The following KMT2E variants were observed in gnomAD, a reference collection of about 807,000 sequenced individuals.
KMT2E encodes the protein histone reader KMT2E.
KMT2E carries 30 observed loss-of-function variants against 184.6 expected under a neutral mutation model. That is an observed-to-expected ratio of 0.16 (90% confidence interval 0.12 to 0.22). KMT2E has a LOEUF of 0.22. Among genes scored for constraint, KMT2E ranks in the 10% least tolerant of loss-of-function variants. The pLI, the probability that KMT2E is intolerant of heterozygous loss-of-function variation, is 1.00. For missense variants in KMT2E, 2,023 were observed against 2,237.4 expected (o/e 0.90, Z 1.93); for synonymous variants, 815 against 776.5 (o/e 1.05, Z -0.82).
At chr7:105,085,866 G>A (rs1175068163) in intron 13 of KMT2E, among the ~76,000 whole-genome samples, 1 of 152,026 alleles carries the variant, frequency 6.6e-6, no homozygotes, top group African/African-American at 2.4e-5. Context: ...TAGAGATGGG[G>A]TTTCACCGTG....
chr7:105,064,188 T>TTTTTC (rs1199512833), intron 5 of KMT2E: 2 of 307,874 alleles, frequency 6.5e-6, no homozygotes, highest in Non-Finnish European at 6.2e-6. Flanking sequence ...TTTTTTTTTT[T>TTTTTC]TTTTGACTGG....
chr7:105,020,188 G>T (rs1167296950), intron 1 of KMT2E, among the ~76,000 whole-genome samples: 1 of 151,896 alleles, frequency 6.6e-6, no homozygotes, highest in South Asian at 2.1e-4. Context: ...AGATGATATT[G>T]TGTAATCACA....
intron 15 of KMT2E, among the ~76,000 whole-genome samples, chr7:105,099,799 C>T (rs932531574): frequency 7.2e-5 from 11 of 152,068 alleles, no homozygotes; most frequent in African/African-American, 2.7e-4. Context: ...AAAGAAATAA[C>T]CATAGTAATT....
chr7:105,019,887 A>T (rs1005019827), intron 1 of KMT2E, among the ~76,000 whole-genome samples: 1 of 152,106 alleles, frequency 6.6e-6, no homozygotes, highest in African/African-American at 2.4e-5. Context: ...CAGGCGGATC[A>T]TTTGAGGTCA....
At chr7:105,047,696 T>C (rs1183211194) in intron 3 of KMT2E, among the ~76,000 whole-genome samples, 1 of 152,222 alleles carries the variant, frequency 6.6e-6, no homozygotes, top group African/African-American at 2.4e-5. Context: ...AAGTCACGGA[T>C]TGTAAGTTAT....
At chr7:105,103,991 T>TA (rs1798784060) in intron 17 of KMT2E, 1 of 151,864 alleles carries the variant, frequency 6.6e-6, no homozygotes, top group Non-Finnish European at 1.5e-5. Context: ...CAAAACCAGC[T>TA]AATTTTTTTG....
intron 23 of KMT2E, 113 bp downstream of exon 23, chr7:105,109,341 T>C: frequency 9.5e-7 from 1 of 1,056,618 alleles, no homozygotes; most frequent in Non-Finnish European, 1.3e-6. Context: ...GTCACAATTT[T>C]AAAAGATTCT....
chr7:105,049,968 T>C lies in KMT2E; in HGVS notation c.71+8945T>C, dbSNP rs1796263374. The stretch of plus-strand genomic sequence containing the variant: ...TGTTCCTCCACTTGCCCTCTGGATC[T>C]TACCCCTTCTCACCTTTTCAGAATC... On this transcript the variant is annotated intron_variant, in intron 3 of 26. Transcript: ENST00000311117. Among the ~76,000 whole-genome samples the C allele has an allele frequency of 2.6e-5, 4 of 152,188 alleles. No homozygotes were observed. The South Asian group carries it at 8.3e-4, about 32-fold the overall frequency.
chr7:105,113,875 A>G lies in KMT2E; in HGVS notation c.*542A>G, dbSNP rs1799457704. The G allele has an allele frequency of 6.4e-6, 1 of 155,072 alleles. No individual in the cohort carries two copies. The highest frequency in any genetic ancestry group is 2.4e-5 in the African/African-American group (1 of 41,512). 9.6% of individuals were successfully genotyped at this position (155,072 alleles called of 1,614,324 possible). A position where few individuals can be genotyped will look rare whatever the true frequency, so the allele number is the denominator to read the frequency against. ...TCTCCTGACAAACTGTAAATACTGCATTTCTTTTGCGTATATAATTGCTTA... is the reference window on the plus strand; with the variant it reads ...TCTCCTGACAAACTGTAAATACTGCGTTTCTTTTGCGTATATAATTGCTTA... On this transcript the variant is annotated 3_prime_UTR_variant, in exon 27 of 27. Coordinates refer to ENST00000311117, the MANE Select transcript of KMT2E (RefSeq NM_182931.3).
intron 17 of KMT2E, 108 bp from the exon 18 acceptor site, chr7:105,105,331 C>G (rs1444838726): frequency 1.3e-6 from 1 of 753,114 alleles, no homozygotes; most frequent in Non-Finnish European, 2.1e-6. Flanking sequence ...TTTAAATTAC[C>G]CAATTTATCA....
At position 105,110,472 on chromosome 7, in the gene KMT2E, T is replaced by A. The variant is rs1472117871; in HGVS notation, c.3845-5T>A. The A allele has an allele frequency of 1.2e-6, 2 of 1,614,060 alleles. No individual in the cohort carries two copies. Among genetic ancestry groups the A allele is most frequent in the African/African-American group, 2.7e-5 (2 of 74,924 alleles). ...CTCTTTGGGTCTGCTCTGCTTCATC[T>A]CTAGGGGGAGAATCACCATGTGTCT... On this transcript the variant is annotated splice_region_variant and splice_polypyrimidine_tract_variant and intron_variant, in intron 24 of 26. Transcript: ENST00000311117.
chr7:105,099,300 C>T (rs983891546), intron 15 of KMT2E, among the ~76,000 whole-genome samples: 5 of 152,114 alleles, frequency 3.3e-5, no homozygotes, highest in Non-Finnish European at 5.9e-5. Flanking sequence ...AATACAGAAA[C>T]CAGGAAACCT....
At position 105,112,236 on chromosome 7, in the gene KMT2E, G is replaced by A. The variant is rs767616340; in HGVS notation, c.4480G>A (p.Glu1494Lys). Residue 1494 changes from glutamate (E) to lysine (K), a missense_variant, in exon 27 of 27, where the codon GAG becomes AAG. Physicochemically the swap from Glu to Lys is moderately conservative, Grantham distance 56. This residue lies in a region of KMT2E where 1,108 missense variants were observed against 1,050.9 expected (regional missense o/e 1.05). Transcript: ENST00000311117. ...ACCTCAAGTTGGAACACCTCAGCGAGAGCCTCAAAGAAACTTTTATCCAGC... is the reference window on the plus strand; with the variant it reads ...ACCTCAAGTTGGAACACCTCAGCGAAAGCCTCAAAGAAACTTTTATCCAGC... Reference protein sequence around the residue: ...QSPQVGTPQREPQRNFYPAAQ... With the variant: ...QSPQVGTPQRKPQRNFYPAAQ... 1.2e-6 allele frequency: 2 copies of A among 1,614,108 alleles called. No homozygotes were observed. Among genetic ancestry groups the A allele is most frequent in the South Asian group, 1.1e-5 (1 of 91,074 alleles).
chr7:105,102,778 A>C (rs569517503), intron 17 of KMT2E: 1 of 152,702 alleles, frequency 6.5e-6, no homozygotes, highest in African/African-American at 2.4e-5. Flanking sequence ...CAGAGATACT[A>C]AAGTGTGGTA....
At chr7:105,072,311 G>A (rs1478756891) in intron 6 of KMT2E, among the ~76,000 whole-genome samples, 5 of 152,136 alleles carry the variant, frequency 3.3e-5, no homozygotes, top group Non-Finnish European at 7.4e-5. Context: ...GGGCAACAGA[G>A]CGAGACTCCG....
At position 105,109,214 on chromosome 7, in the gene KMT2E, A is replaced by G. The variant is rs1799061726; in HGVS notation, c.3741A>G (p.Glu1247=). ...VKDATASEKN[E]PEVQWTASTS... ...ATGCTACTGCTAGTGAGAAGAATGA[A>G]CCAGAAGTTCAATGGTAAGCCCATT... is the stretch of plus-strand genomic sequence containing the variant. The change falls in exon 23 of 27, where the codon GAA becomes GAG. Residue 1247 remains glutamate, a synonymous_variant. Coordinates refer to ENST00000311117, the MANE Select transcript of KMT2E (RefSeq NM_182931.3). The G allele has an allele frequency of 6.2e-7, 1 of 1,613,786 alleles. No homozygotes were observed. The highest frequency in any genetic ancestry group is 8.5e-7 in the Non-Finnish European group (1 of 1,179,848).
chr7:105,041,691 G>C (rs868372137), intron 3 of KMT2E, among the ~76,000 whole-genome samples: 8 of 152,140 alleles, frequency 5.3e-5, no homozygotes, highest in Non-Finnish European at 7.4e-5. Flanking sequence ...GAACCACTGC[G>C]CTCAGCCGGT....
At chr7:105,075,987 A>G in intron 8 of KMT2E, 56 bp from the exon 9 acceptor site, 1 of 1,326,240 alleles carries the variant, frequency 7.5e-7, no homozygotes, top group Non-Finnish European at 1.1e-6. Context: ...TAATTCTTAA[A>G]TATTAATTAT....
chr7:105,078,600 C>T (rs550041989), intron 11 of KMT2E, among the ~76,000 whole-genome samples: 2 of 150,794 alleles, frequency 1.3e-5, no homozygotes, highest in South Asian at 2.1e-4. Context: ...TCAGGTGATC[C>T]TCCCACCTCA....
Sources: gnomAD v4.1 joint callset for allele counts (sites outside exome capture counted in the v4.1 genomes callset) on GRCh38, gnomAD v4.1.1 for gene constraint, gnomAD v4.1.1 regional missense constraint, MANE v1.5 for transcripts, NCBI Gene and HGNC (gene_info 2026-07-23, HGNC 2026-07-21) for gene names.